XPO7: variants seen among roughly 807,000 people sequenced by gnomAD.
XPO7 encodes exportin 7.
Under a neutral mutation model 144.3 loss-of-function variants are expected in XPO7, and 21 were observed. The ratio of observed to expected loss-of-function variants is 0.15; its 90% confidence interval spans 0.10 to 0.21. The LOEUF is 0.21. XPO7 is among the 10% of genes least tolerant of loss of function. The pLI, the probability that XPO7 is intolerant of heterozygous loss-of-function variation, is 1.00. For missense variants in XPO7, 808 were observed against 1,325.8 expected (o/e 0.61, Z 6.06); for synonymous variants, 580 against 499.6 (o/e 1.16, Z -2.15).
chr8:21,963,905 A>G (rs1811805726), intron 1 of XPO7, among the ~76,000 whole-genome samples: 1 of 152,186 alleles, frequency 6.6e-6, no homozygotes, highest in Non-Finnish European at 1.5e-5. Context: ...TGTTGAAATA[A>G]GAATAACTTA....
intron 19 of XPO7, among the ~76,000 whole-genome samples, chr8:21,993,693 G>A (rs541710377): frequency 6.6e-6 from 1 of 152,212 alleles, no homozygotes; most frequent in African/African-American, 2.4e-5. Context: ...TTAAGCCTCA[G>A]TCTCTTTTTC....
intron 8 of XPO7, 48 bp from the exon 9 acceptor site, chr8:21,980,036 C>G: frequency 1.3e-6 from 2 of 1,494,792 alleles, no homozygotes; most frequent in Non-Finnish European, 1.8e-6. Flanking sequence ...GTGAAAGTAA[C>G]TGTACAGTCT....
intron 13 of XPO7, among the ~76,000 whole-genome samples, chr8:21,986,730 A>G (rs939086429): frequency 6.6e-6 from 1 of 152,220 alleles, no homozygotes; most frequent in Non-Finnish European, 1.5e-5. Context: ...TAGCAACACA[A>G]TGATGGAGTC....
At chr8:21,991,750 A>G in intron 18 of XPO7, 118 bp from the exon 19 acceptor site, 1 of 627,502 alleles carries the variant, frequency 1.6e-6, no homozygotes, top group Admixed American at 3.7e-5. Context: ...CTGTTGGGAT[A>G]ATAAAGGGAC....
At chr8:21,951,324 C>T (rs1020459698) in intron 1 of XPO7, among the ~76,000 whole-genome samples, 2 of 151,814 alleles carry the variant, frequency 1.3e-5, no homozygotes, top group Non-Finnish European at 2.9e-5. Flanking sequence ...CTGCAACCTA[C>T]ACTTCTATTA....
At chr8:21,926,808 A>G (rs1251463608) in intron 1 of XPO7, among the ~76,000 whole-genome samples, 1 of 152,180 alleles carries the variant, frequency 6.6e-6, no homozygotes, top group African/African-American at 2.4e-5. Flanking sequence ...ATATATAGCC[A>G]CAAATTATTT....
chr8:21,936,746 T>A (rs940200270), intron 1 of XPO7, among the ~76,000 whole-genome samples: 1 of 152,258 alleles, frequency 6.6e-6, no homozygotes, highest in Non-Finnish European at 1.5e-5. Context: ...GTTCCCAAAC[T>A]GGAATTTTTT....
intron 1 of XPO7, among the ~76,000 whole-genome samples, chr8:21,938,991 T>A (rs1236214138): frequency 1.3e-5 from 2 of 152,206 alleles, no homozygotes; most frequent in African/African-American, 2.4e-5. Flanking sequence ...CTTATTCATA[T>A]CTCATTTGGT....
chr8:21,956,962 A>G (rs1811556494), intron 1 of XPO7, among the ~76,000 whole-genome samples: 1 of 152,206 alleles, frequency 6.6e-6, no homozygotes, highest in Non-Finnish European at 1.5e-5. Flanking sequence ...AGATTAAGAT[A>G]ATACAGAGTT....
chr8:21,990,984 A>T lies in XPO7; in HGVS notation c.2041+65A>T, dbSNP rs552879025. 2.1e-6 allele frequency: 3 copies of T among 1,445,042 alleles called. No homozygotes were observed. The East Asian group carries it at 6.8e-5, about 33-fold the overall frequency. The allele number at this position is 1,445,042 out of a possible 1,614,324, so 89.5% of individuals were successfully genotyped here. ...CACTCTTCTAAATTTTTATTTGAGG[A>T]CTGAAAACTAGATGTTGGGGAGGCC... On this transcript the variant is annotated intron_variant, in intron 18 of 27. Coordinates refer to ENST00000252512, the MANE Select transcript of XPO7 (RefSeq NM_015024.5).
chr8:21,993,074 T>A (rs1002809717), intron 19 of XPO7, among the ~76,000 whole-genome samples: 3 of 152,196 alleles, frequency 2.0e-5, no homozygotes, highest in Non-Finnish European at 4.4e-5. Flanking sequence ...CTCTCTCCCC[T>A]AATTATACTT....
chr8:21,958,098 TAACA>T (rs1811599893), intron 1 of XPO7, among the ~76,000 whole-genome samples: 2 of 152,230 alleles, frequency 1.3e-5, no homozygotes, highest in South Asian at 4.1e-4. Flanking sequence ...TTACATAGGC[TAACA>T]AATACTTCTA....
chr8:21,942,006 A>G (rs1313258223), intron 1 of XPO7, among the ~76,000 whole-genome samples: 1 of 152,232 alleles, frequency 6.6e-6, no homozygotes, highest in Non-Finnish European at 1.5e-5. Context: ...GATTCCTATA[A>G]AAGTCGGTAA....
chr8:21,951,197 A>G (rs957439308), intron 1 of XPO7, among the ~76,000 whole-genome samples: 1 of 151,986 alleles, frequency 6.6e-6, no homozygotes, highest in Non-Finnish European at 1.5e-5. Flanking sequence ...GACTTGGTGG[A>G]CATTATCCAG....
At chr8:21,954,162 T>A (rs1421839056) in intron 1 of XPO7, among the ~76,000 whole-genome samples, 1 of 152,224 alleles carries the variant, frequency 6.6e-6, no homozygotes, top group East Asian at 1.9e-4. Flanking sequence ...AACATAATGA[T>A]GGAGCTTAGT....
intron 15 of XPO7, chr8:21,988,230 T>C (rs1462048638): frequency 9.9e-6 from 2 of 202,884 alleles, no homozygotes; most frequent in Non-Finnish European, 2.0e-5. Context: ...GTTGCTGATT[T>C]CCTCTCGTTA....
At chr8:21,932,379 T>G (rs1810681074) in intron 1 of XPO7, among the ~76,000 whole-genome samples, 1 of 152,218 alleles carries the variant, frequency 6.6e-6, no homozygotes, top group African/African-American at 2.4e-5. Flanking sequence ...TTAAGAAACA[T>G]TTACTTAATA....
At chr8:21,957,662 T>A (rs186410126) in intron 1 of XPO7, among the ~76,000 whole-genome samples, 54 of 152,342 alleles carry the variant, frequency 3.5e-4, no homozygotes, top group Admixed American at 3.1e-3. Context: ...CATTTTAATA[T>A]GAATTTCCTT....
At chr8:21,998,630 G>A (rs565715262) in intron 21 of XPO7, 125 bp from the exon 22 acceptor site, 3 of 686,166 alleles carry the variant, frequency 4.4e-6, no homozygotes, top group Non-Finnish European at 7.4e-6. Context: ...CTCATATTAG[G>A]ATAGGCAATT....
Sources: gnomAD v4.1 joint callset for allele counts (sites outside exome capture counted in the v4.1 genomes callset) on GRCh38, gnomAD v4.1.1 for gene constraint, MANE v1.5 for transcripts, NCBI Gene and HGNC (gene_info 2026-07-23, HGNC 2026-07-21) for gene names.